Variants in SLC4A10 observed in about 807,000 individuals in gnomAD.
SLC4A10 encodes sodium-driven chloride bicarbonate exchanger.
In SLC4A10, 42 loss-of-function variants were observed where a neutral mutation model predicts 137.7. The observed-to-expected ratio is 0.30, with a 90% CI of 0.24 to 0.39. SLC4A10 has a LOEUF of 0.39. SLC4A10 is among the 10% of genes least tolerant of loss of function. SLC4A10 has a pLI of 1.00. For missense variants in SLC4A10, 925 were observed against 1,355.0 expected, an observed-to-expected ratio of 0.68 and a Z score of 4.98; for synonymous variants, 474 against 464.1, an observed-to-expected ratio of 1.02 and a Z score of -0.27.
At chr2:161,710,698 C>T (rs2044186316) in intron 1 of SLC4A10, 1 of 455,384 alleles carries the variant, frequency 2.2e-6, no homozygotes, top group Non-Finnish European at 4.4e-6. Context: ...CAAAGGCTGC[C>T]TTCGTTTATA....
At chr2:161,773,206 A>G (rs960540442) in intron 2 of SLC4A10, among the ~76,000 whole-genome samples, 7 of 151,860 alleles carry the variant, frequency 4.6e-5, no homozygotes, top group Admixed American at 1.3e-4. Flanking sequence ...GGATGGAAGG[A>G]TGAGAGCAGG....
intron 1 of SLC4A10, among the ~76,000 whole-genome samples, chr2:161,721,667 G>A (rs946710238): frequency 6.6e-6 from 1 of 151,972 alleles, no homozygotes; most frequent in African/African-American, 2.4e-5. Flanking sequence ...TATGTCTTGG[G>A]GTTGATCTAC....
At chr2:161,680,098 G>T (rs533464290) in intron 1 of SLC4A10, among the ~76,000 whole-genome samples, 139 of 152,046 alleles carry the variant, frequency 9.1e-4, no homozygotes, top group African/African-American at 3.2e-3. Context: ...ATGAAGGTTC[G>T]CTTCATCTAG....
At chr2:161,644,760 A>G (rs961251805) in intron 1 of SLC4A10, among the ~76,000 whole-genome samples, 4 of 152,198 alleles carry the variant, frequency 2.6e-5, no homozygotes, top group African/African-American at 4.8e-5. Context: ...ATTGTTCTAG[A>G]GATATCTTGT....
Position 161,924,660 on chromosome 2 carries a change from G to C in SLC4A10, c.1998-18132G>C, listed in dbSNP as rs181838990. ...GATAGCTTTGACAGGGAGGCACGTA[G>C]GTAACTAACGTCCACTTGTAGACTC... is the stretch of plus-strand genomic sequence containing the variant. On this transcript the variant is annotated intron_variant, in intron 15 of 26. Transcript: ENST00000446997. Among the ~76,000 whole-genome samples the C allele has an allele frequency of 2.8e-4, 43 of 152,184 alleles. No individual in the cohort carries two copies. The East Asian group carries it at 8.3e-3, about 29-fold the overall frequency.
intron 1 of SLC4A10, among the ~76,000 whole-genome samples, chr2:161,742,254 T>G (rs2047968743): frequency 6.6e-6 from 1 of 152,168 alleles, no homozygotes; most frequent in Admixed American, 6.6e-5. Flanking sequence ...TTTGAAATCT[T>G]GTTTTGTGAC....
intron 3 of SLC4A10, among the ~76,000 whole-genome samples, chr2:161,822,139 G>A (rs914241523): frequency 3.9e-5 from 6 of 152,102 alleles, no homozygotes; most frequent in African/African-American, 1.4e-4. Context: ...TAGTGAGTAA[G>A]CCTCATGCTT....
At chr2:161,956,133 C>T (rs1351050204) in intron 19 of SLC4A10, among the ~76,000 whole-genome samples, 1 of 152,042 alleles carries the variant, frequency 6.6e-6, no homozygotes, top group African/African-American at 2.4e-5. Flanking sequence ...TATAATAGTA[C>T]CTAACATTTT....
At chr2:161,857,111 C>G (rs1268278980) in intron 5 of SLC4A10, among the ~76,000 whole-genome samples, 1 of 152,140 alleles carries the variant, frequency 6.6e-6, no homozygotes, top group African/African-American at 2.4e-5. Flanking sequence ...TAAAACACTT[C>G]ATTTTATCAC....
At chr2:161,847,160 C>G (rs1038429221) in intron 4 of SLC4A10, among the ~76,000 whole-genome samples, 1 of 151,554 alleles carries the variant, frequency 6.6e-6, no homozygotes, top group East Asian at 1.9e-4. Flanking sequence ...GAAGGATCAT[C>G]TGAACCCAGG....
intron 2 of SLC4A10, among the ~76,000 whole-genome samples, chr2:161,789,493 G>T: frequency 6.6e-6 from 1 of 151,092 alleles, no homozygotes; most frequent in African/African-American, 2.4e-5. Context: ...ACAAACTGGC[G>T]TCTGACATCT....
chr2:161,708,549 A>C, intron 1 of SLC4A10: 1 of 794,168 alleles, frequency 1.3e-6, no homozygotes, highest in South Asian at 2.5e-5. Context: ...AGCATCAGCA[A>C]ATACAACTGT....
At chr2:161,639,967 A>G (rs1032031238) in intron 1 of SLC4A10, among the ~76,000 whole-genome samples, 1 of 152,196 alleles carries the variant, frequency 6.6e-6, no homozygotes, top group East Asian at 1.9e-4. Context: ...TAGCACTTTT[A>G]TATGCCAACA....
intron 1 of SLC4A10, among the ~76,000 whole-genome samples, chr2:161,639,584 A>G (rs765018517): frequency 1.3e-5 from 2 of 152,178 alleles, no homozygotes; most frequent in African/African-American, 2.4e-5. Flanking sequence ...CCTTTGTGAT[A>G]AAAACCCTCC....
intron 7 of SLC4A10, 75 bp from the exon 8 acceptor site, chr2:161,873,841 C>G: frequency 7.0e-7 from 1 of 1,421,758 alleles, no homozygotes; most frequent in Non-Finnish European, 9.6e-7. Flanking sequence ...TACGTGCATG[C>G]TCTCCCTCTG....
At chr2:161,942,581 G>A (rs547741555) in intron 15 of SLC4A10, among the ~76,000 whole-genome samples, 3 of 152,042 alleles carry the variant, frequency 2.0e-5, no homozygotes, top group African/African-American at 7.2e-5. Context: ...CTCATTCCAG[G>A]AAACACTGTA....
intron 15 of SLC4A10, among the ~76,000 whole-genome samples, chr2:161,928,634 A>G (rs1162433656): frequency 6.7e-6 from 1 of 149,008 alleles, no homozygotes; most frequent in African/African-American, 2.5e-5. Context: ...ATAAAATCAT[A>G]ACAATCCTTG....
chr2:161,627,973 T>A (rs1364305560), intron 1 of SLC4A10, among the ~76,000 whole-genome samples: 1 of 152,126 alleles, frequency 6.6e-6, no homozygotes, highest in African/African-American at 2.4e-5. Context: ...GACTGCTGCT[T>A]TCTCTTCAAA....
chr2:161,954,061 C>G (rs997687138), intron 19 of SLC4A10, among the ~76,000 whole-genome samples: 1 of 152,114 alleles, frequency 6.6e-6, no homozygotes, highest in Admixed American at 6.5e-5. Flanking sequence ...ACAGTTCAGG[C>G]TTCTTTTGAC....
Sources: allele counts gnomAD v4.1 joint callset (sites outside exome capture counted in the v4.1 genomes callset), GRCh38; gene constraint gnomAD v4.1.1; transcripts MANE v1.5; gene names NCBI Gene and HGNC (gene_info 2026-07-23, HGNC 2026-07-21).